The following MPDZ variants were observed in gnomAD, a reference collection of about 807,000 sequenced individuals.
MPDZ encodes the protein multiple PDZ domain crumbs cell polarity complex component, also known as multiple PDZ domain protein.
A neutral mutation model predicts 239.1 loss-of-function variants in MPDZ; 234 were observed. That is an observed-to-expected ratio of 0.98 (90% CI 0.88 to 1.09). The LOEUF is 1.09. Ranked by LOEUF, MPDZ falls within the 50% of genes least tolerant of loss-of-function variation. The pLI is 0.00. For synonymous variants in MPDZ, 1,048 were observed against 881.3 expected, an observed-to-expected ratio of 1.19 and a Z score of -3.35; for missense variants, 3,175 against 2,510.0, an observed-to-expected ratio of 1.26 and a Z score of -5.66.
intron 21 of MPDZ, among the ~76,000 whole-genome samples, chr9:13,170,316 T>G (rs185833662): frequency 6.6e-6 from 1 of 152,206 alleles, no homozygotes; most frequent in Non-Finnish European, 1.5e-5. Flanking sequence ...TAATATTTCA[T>G]AGTGGATGTG....
chr9:13,196,247 A>C lies in MPDZ; in HGVS notation c.1547-17T>G. 6.5e-7 allele frequency: 1 copy of C among 1,539,188 alleles called. No homozygotes were observed. The highest frequency in any genetic ancestry group is 8.9e-7 in the Non-Finnish European group (1 of 1,127,178). On this transcript the variant is annotated splice_polypyrimidine_tract_variant and intron_variant, in intron 12 of 46. Coordinates refer to ENST00000319217, the MANE Select transcript of MPDZ (RefSeq NM_001378778.1). The stretch of plus-strand genomic sequence containing the variant: ...ATGGATACCCTGAAACAGTCAAGGC[A>C]ATTAAGTTAGCAGCAAACTACAGAA...
Position 13,108,984 on chromosome 9 carries a change from G to C in MPDZ, c.6018C>G (p.Gly2006=). Residue 2006 remains glycine, a synonymous_variant, in exon 46 of 47, where the codon GGC becomes GGG. Transcript: ENST00000319217. ...AAATGGGTAAGTCTCCATGAGGGCT[G>C]CCATATCCTCCAACTATACTGAAGC... The part of the protein sequence containing the change: ...GLGFSIVGGY[G]SPHGDLPIYV... 1 of 1,606,998 alleles carries C rather than the reference G, an allele frequency of 6.2e-7. No individual in the cohort carries two copies. The highest frequency in any genetic ancestry group is 8.5e-7 in the Non-Finnish European group (1 of 1,176,388).
Position 13,110,005 on chromosome 9 carries a change from G to T in MPDZ, c.5889C>A (p.Ser1963=). The stretch of plus-strand genomic sequence containing the variant: ...ACGTCAGCCCAGTGAAAGAAAGACT[G>T]GAACTTGCAGGCTCCTGCTGATGAC... ...VTGHQQEPAS[S]SLSFTGLTSS... is the part of the protein sequence containing the mutation. The change falls in exon 45 of 47, where the codon TCC becomes TCA. Residue 1963 remains serine, a synonymous_variant. Transcript: ENST00000319217. 6.2e-7 allele frequency: 1 copy of T among 1,613,380 alleles called. No homozygotes were observed. The highest frequency in any genetic ancestry group is 8.5e-7 in the Non-Finnish European group (1 of 1,179,726).
In MPDZ at chr9:13,138,264, T is replaced by C. The variant is rs1030500184; in HGVS notation, c.4004-111A>G. 2.2e-4 allele frequency: 258 copies of C among 1,189,444 alleles called. 1 individual carries two copies. Among genetic ancestry groups the C allele is most frequent in the Admixed American group, 9.4e-5 (3 of 31,830 alleles). The allele number at this position is 1,189,444 out of a possible 1,614,324, so 73.7% of individuals were successfully genotyped here. ...CAAAAGGACAGATTTTATACCAAAA[T>C]GTACGCTTTGACAGTTAAAAGCTAA... On this transcript the variant is annotated intron_variant, in intron 28 of 46. Transcript: ENST00000319217.
chr9:13,191,966 C>A (rs1954987273), intron 15 of MPDZ, among the ~76,000 whole-genome samples, 165 bp downstream of exon 15: 1 of 152,128 alleles, frequency 6.6e-6, no homozygotes, highest in Non-Finnish European at 1.5e-5. Context: ...CAGCTAGTGT[C>A]AAGTCTGATT....
intron 3 of MPDZ, among the ~76,000 whole-genome samples, chr9:13,236,195 A>ATG (rs1192512851): frequency 1.3e-4 from 6 of 47,196 alleles, no homozygotes; most frequent in Non-Finnish European, 1.8e-4. Flanking sequence ...GTTTCTGTAT[A>ATG]TATGTGTGTG....
chr9:13,255,525 T>C (rs1969226321), intron 1 of MPDZ, among the ~76,000 whole-genome samples: 1 of 152,184 alleles, frequency 6.6e-6, no homozygotes, highest in South Asian at 2.1e-4. Flanking sequence ...ATAATAAGAC[T>C]TGAAAGTCAA....
chr9:13,154,677 T>A (rs1158928107), intron 24 of MPDZ, among the ~76,000 whole-genome samples: 2 of 152,100 alleles, frequency 1.3e-5, no homozygotes, highest in East Asian at 3.9e-4. Flanking sequence ...GTTGTGGTGG[T>A]GATGAAGGTG....
intron 35 of MPDZ, 66 bp from the exon 36 acceptor site, chr9:13,123,364 T>C (rs1944654392): frequency 7.2e-6 from 10 of 1,398,424 alleles, no homozygotes; most frequent in Non-Finnish European, 9.9e-6. Flanking sequence ...ATCAAACTCA[T>C]CACACAGATT....
intron 23 of MPDZ, 24 bp downstream of exon 23, chr9:13,162,662 CATTGT>C: frequency 6.9e-7 from 1 of 1,449,904 alleles, no homozygotes; most frequent in Non-Finnish European, 9.7e-7. Flanking sequence ...CTGTACCATT[CATTGT>C]ATTAGATTTA....
intron 21 of MPDZ, among the ~76,000 whole-genome samples, chr9:13,173,365 A>T (rs1013841267): frequency 2.0e-5 from 3 of 152,198 alleles, no homozygotes; most frequent in African/African-American, 4.8e-5. Flanking sequence ...CCAATAGATG[A>T]AGAAATGCTT....
At chr9:13,131,877 A>C (rs1167267091) in intron 32 of MPDZ, among the ~76,000 whole-genome samples, 1 of 152,176 alleles carries the variant, frequency 6.6e-6, no homozygotes, top group Non-Finnish European at 1.5e-5. Context: ...ACCATGGAAC[A>C]AATGGCTTGC....
chr9:13,174,012 T>C (rs1952136841), intron 21 of MPDZ, among the ~76,000 whole-genome samples: 1 of 152,156 alleles, frequency 6.6e-6, no homozygotes, highest in Non-Finnish European at 1.5e-5. Context: ...CCACACTTCA[T>C]CCATAACAAA....
intron 32 of MPDZ, among the ~76,000 whole-genome samples, chr9:13,131,826 G>C (rs1036464691): frequency 6.6e-6 from 1 of 152,110 alleles, no homozygotes; most frequent in Non-Finnish European, 1.5e-5. Context: ...CAGGACCCCA[G>C]CTCCCTCAGT....
chr9:13,115,134 C>T (rs1445303777), intron 40 of MPDZ, 114 bp downstream of exon 40: 1 of 804,268 alleles, frequency 1.2e-6, no homozygotes, highest in Non-Finnish European at 2.1e-6. Flanking sequence ...ACCTCAGTCA[C>T]TATCCCACGC....
chr9:13,209,251 T>A (rs1275875287), intron 10 of MPDZ, among the ~76,000 whole-genome samples: 1 of 152,214 alleles, frequency 6.6e-6, no homozygotes, highest in African/African-American at 2.4e-5. Context: ...ATTACTTTAT[T>A]TGTAATAAAA....
Position 13,221,504 on chromosome 9 carries a change from C to CA in MPDZ, c.748-5dup. ...TTTCCATGTGTTGCCAGTGAACCTA[C>CA]AAACAAAGCTCATATATGAATTTGT... On this transcript the variant is annotated splice_polypyrimidine_tract_variant and splice_region_variant and intron_variant, in intron 6 of 46. Transcript: ENST00000319217. The CA allele has an allele frequency of 6.2e-7, 1 of 1,608,426 alleles. No homozygotes were observed. Among genetic ancestry groups the CA allele is most frequent in the East Asian group, 2.2e-5 (1 of 44,638 alleles).
Position 13,190,142 on chromosome 9 carries a change from C to T in MPDZ, c.2126G>A (p.Gly709Glu). Reference sequence around the variant, plus strand: ...ATAATCTAAAATGCTAAAACCAAGTCCTTTGCTCCCTTTCTCCAGCTCTAT... The same window carrying T: ...ATAATCTAAAATGCTAAAACCAAGTTCTTTGCTCCCTTTCTCCAGCTCTAT... ...QHIELEKGSKGLGFSILDYQD... is the reference protein window; with the variant it reads ...QHIELEKGSKELGFSILDYQD... The change falls in exon 16 of 47, where the codon GGA (glycine) becomes GAA (glutamate). Residue 709 changes from glycine (G) to glutamate (E), a missense_variant. Physicochemically the swap from Gly to Glu is moderately conservative, Grantham distance 98 (BLOSUM62 -2). Coordinates refer to ENST00000319217, the MANE Select transcript of MPDZ (RefSeq NM_001378778.1). 6.2e-7 allele frequency: 1 copy of T among 1,612,952 alleles called. No individual in the cohort carries two copies.
intron 5 of MPDZ, 87 bp downstream of exon 5, chr9:13,223,484 C>G (rs1959468262): frequency 4.2e-6 from 6 of 1,412,732 alleles, no homozygotes; most frequent in Non-Finnish European, 5.6e-6. Context: ...TGTTGCCATT[C>G]ATTATTATTT....
Sources: allele counts gnomAD v4.1 joint callset (sites outside exome capture counted in the v4.1 genomes callset), GRCh38; gene constraint gnomAD v4.1.1; transcripts MANE v1.5; gene names NCBI Gene and HGNC (gene_info 2026-07-23, HGNC 2026-07-21).